Variants in IFT172 observed in about 807,000 individuals in gnomAD.
IFT172 encodes the protein intraflagellar transport 172.
Under a neutral mutation model 248.9 loss-of-function variants are expected in IFT172, and 164 were observed. The ratio of observed to expected loss-of-function variants is 0.66; its 90% confidence interval spans 0.58 to 0.75. The LOEUF is 0.75. IFT172 is among the 30% of genes least tolerant of loss of function. The pLI is 0.00. For synonymous variants in IFT172, 729 were observed against 791.6 expected (o/e 0.92, Z 1.33); for missense variants, 1,950 against 2,192.4 (o/e 0.89, Z 2.21).
chr2:27,456,004 G>C (rs546203545), intron 30 of IFT172: 1 of 237,626 alleles, frequency 4.2e-6, no homozygotes, highest in Admixed American at 5.4e-5. Flanking sequence ...ACGAGGTCAA[G>C]AGATCAAGAC....
Position 27,471,096 on chromosome 2 carries a change from C to A in IFT172, c.1525-1G>T, listed in dbSNP as rs370540673. On this transcript the variant is annotated splice_acceptor_variant, in intron 15 of 47. Coordinates refer to ENST00000260570, the MANE Select transcript of IFT172 (RefSeq NM_015662.3). LOFTEE classifies it high-confidence loss of function. ...AGCTTTCAATATCATACAGATGCAACTGAAGAAAGAAAAGGCAGGTAACAC... is the reference window on the plus strand; with the variant it reads ...AGCTTTCAATATCATACAGATGCAAATGAAGAAAGAAAAGGCAGGTAACAC... The A allele has an allele frequency of 1.2e-6, 2 of 1,604,166 alleles. No homozygotes were observed. Among genetic ancestry groups the A allele is most frequent in the African/African-American group, 1.3e-5 (1 of 74,452 alleles).
chr2:27,449,878 C>T (rs1020082517), intron 36 of IFT172, 78 bp from the exon 37 acceptor site: 1 of 1,431,366 alleles, frequency 7.0e-7, no homozygotes, highest in Non-Finnish European at 9.7e-7. Context: ...ATCTGTTTCC[C>T]CAGGACTGCA....
At chr2:27,450,309 T>C (rs1470918583) in intron 35 of IFT172, among the ~76,000 whole-genome samples, 1 of 152,206 alleles carries the variant, frequency 6.6e-6, no homozygotes, top group Non-Finnish European at 1.5e-5. Flanking sequence ...CTCAGTTCAT[T>C]AACTCTTTCA....
chr2:27,480,218 C>T lies in IFT172; in HGVS notation c.786-69G>A. The stretch of plus-strand genomic sequence containing the variant: ...TAAAGAGTGCAAATGGGCTGATAAC[C>T]AAAGGAAATTAGTCTTGCTATATCA... On this transcript the variant is annotated intron_variant, in intron 8 of 47. Coordinates refer to ENST00000260570, the MANE Select transcript of IFT172 (RefSeq NM_015662.3). 4 of 1,517,408 alleles carry T rather than the reference C, an allele frequency of 2.6e-6. No individual in the cohort carries two copies. In the South Asian group the frequency reaches 3.9e-5, roughly 15 times the overall value. The allele number at this position is 1,517,408 out of a possible 1,614,324, so 94.0% of individuals were successfully genotyped here.
In IFT172 at chr2:27,447,543, C is replaced by T. The variant is rs751097060; in HGVS notation, c.4631G>A (p.Arg1544His). 15 of 1,613,974 alleles carry T rather than the reference C, an allele frequency of 9.3e-6. No homozygotes were observed. The highest frequency in any genetic ancestry group is 2.2e-5 in the East Asian group (1 of 44,890). The change falls in exon 42 of 48, where the codon CGC becomes CAC. Residue 1544 changes from arginine to histidine, a missense_variant. By Grantham distance (29) the Arg-to-His change is conservative. This residue lies in a region of IFT172 where 620 missense variants were observed against 699.0 expected (regional missense o/e 0.89). Transcript: ENST00000260570. ...CTGTTTGACACTCTGGGCTGCAGAG[C>T]GCGTGGCATAGTAATGAGCGATCAG... is the stretch of plus-strand genomic sequence containing the variant. ...MLLIAHYYATRSAAQSVKQLE... is the reference protein window; with the variant it reads ...MLLIAHYYATHSAAQSVKQLE...
chr2:27,476,547 A>G, intron 14 of IFT172, 94 bp downstream of exon 14: 1 of 760,084 alleles, frequency 1.3e-6, no homozygotes, highest in African/African-American at 1.8e-5. Flanking sequence ...TGCGTCTCAG[A>G]TTCCTGCATT....
rs537691457 is a variant in IFT172 at position 27,463,508 on chromosome 2, A to AT, written c.1938-328dup. Among the ~76,000 whole-genome samples the AT allele has an allele frequency of 2.0e-4, 30 of 147,288 alleles. No individual in the cohort carries two copies. In the South Asian group the frequency reaches 4.4e-3, roughly 21 times the overall value. On this transcript the variant is annotated intron_variant, in intron 18 of 47. Coordinates refer to ENST00000260570, the MANE Select transcript of IFT172 (RefSeq NM_015662.3). ...ATAAACTTTCTTAAAACATTATGAG[A>AT]TTTTTTTGTGATTCTTTTCTCTTTT...
rs1370329911 is a variant in IFT172 at position 27,483,898 on chromosome 2, T to C, written c.376A>G (p.Ile126Val). Residue 126 changes from isoleucine to valine, a missense_variant, in exon 5 of 48, where the codon ATT (isoleucine) becomes GTT (valine). Physicochemically the swap from Ile to Val is conservative, Grantham distance 29. Coordinates refer to ENST00000260570, the MANE Select transcript of IFT172 (RefSeq NM_015662.3). The part of the protein sequence containing the change: ...TCLQWPAEYI[I>V]VFGLAEGKVR... ...TTCCCTTCAGCCAGTCCAAAGACAA[T>C]GATGTATTCTGCCGGCCATTGCAGA... 25 of 1,613,740 alleles carry C rather than the reference T, an allele frequency of 1.5e-5. No homozygotes were observed. The highest frequency in any genetic ancestry group is 2.0e-5 in the Non-Finnish European group (24 of 1,179,816).
At chr2:27,446,836 A>C (rs1665162279) in intron 42 of IFT172, among the ~76,000 whole-genome samples, 1 of 151,310 alleles carries the variant, frequency 6.6e-6, no homozygotes, top group Non-Finnish European at 1.5e-5. Context: ...AGTAGCTGGG[A>C]CTACAGGCGC....
At chr2:27,470,465 A>T (rs1167293417) in intron 16 of IFT172, among the ~76,000 whole-genome samples, 1 of 152,246 alleles carries the variant, frequency 6.6e-6, no homozygotes, top group Non-Finnish European at 1.5e-5. Flanking sequence ...CTCCTAGCCT[A>T]GCACAGGAGC....
In IFT172 at chr2:27,480,133, A is replaced by C. The variant is rs931651427; in HGVS notation, c.802T>G (p.Trp268Gly). Residue 268 changes from tryptophan to glycine, a missense_variant, in exon 9 of 48, where the codon TGG (tryptophan) becomes GGG (glycine). Trp to Gly is a radical substitution (Grantham distance 184). Around this residue, in one of 3 missense-constraint regions of IFT172, gnomAD observed 1,166 missense variants for 1,254.1 expected, o/e 0.93. Coordinates refer to ENST00000260570, the MANE Select transcript of IFT172 (RefSeq NM_015662.3). ...TCCCAGATGCTTCTTCGAGGGATCCAGTTGAACACCCGAAGCCTGAAATAA... is the reference window on the plus strand; with the variant it reads ...TCCCAGATGCTTCTTCGAGGGATCCCGTTGAACACCCGAAGCCTGAAATAA... Reference protein sequence around the residue: ...GSYDRLRVFNWIPRRSIWEEA... With the variant: ...GSYDRLRVFNGIPRRSIWEEA... 1.2e-6 allele frequency: 2 copies of C among 1,613,896 alleles called. No individual in the cohort carries two copies. The highest frequency in any genetic ancestry group is 2.7e-5 in the African/African-American group (2 of 74,936).
chr2:27,475,277 A>G (rs981636876), intron 14 of IFT172, among the ~76,000 whole-genome samples: 1 of 152,248 alleles, frequency 6.6e-6, no homozygotes, highest in Non-Finnish European at 1.5e-5. Flanking sequence ...CAATTTGGAA[A>G]TAGTGAAGTT....
intron 23 of IFT172, 32 bp downstream of exon 23, chr2:27,460,983 A>C (rs748594862): frequency 1.9e-6 from 3 of 1,613,848 alleles, no homozygotes; most frequent in Non-Finnish European, 2.5e-6. Context: ...AGAGTCCACA[A>C]CAGTAAAGGA....
rs569281478 is a variant in IFT172 at position 27,457,954 on chromosome 2, G to C, written c.2998C>G (p.Pro1000Ala). Residue 1000 changes from proline to alanine, a missense_variant, in exon 28 of 48, where the codon CCT becomes GCT. By Grantham distance (27) the Pro-to-Ala change is conservative. This residue lies in a region of IFT172 where 1,166 missense variants were observed against 1,254.1 expected (regional missense o/e 0.93). Coordinates refer to ENST00000260570, the MANE Select transcript of IFT172 (RefSeq NM_015662.3). ...TTGTACATGGTGATGGCAAGATCAG[G>C]CTCTTGTACTGTCACATATAGCCTG... ...AERLYVTVQE[P>A]DLAITMYKKH... 8.1e-6 allele frequency: 13 copies of C among 1,614,180 alleles called. No homozygotes were observed. The African/African-American group carries it at 1.6e-4, about 20-fold the overall frequency.
chr2:27,454,936 C>T lies in IFT172; in HGVS notation c.3372-276G>A, dbSNP rs147283021. 2.4e-4 allele frequency among the ~76,000 whole-genome samples: 36 copies of T among 152,184 alleles called. No individual in the cohort carries two copies. The highest frequency in any genetic ancestry group is 7.9e-4 in the African/African-American group (33 of 41,528). On this transcript the variant is annotated intron_variant, in intron 30 of 47. Transcript: ENST00000260570. This position sits in a 1 kb window ranked among gnomAD's most constrained non-coding sequence, Gnocchi z 4.2. ...CTCCTGAGGAATTAGTTTGGGCCTG[C>T]GAAGGGGAAGGGAGGAGTGAGCCTC...
chr2:27,450,672 C>A (rs961734430), intron 35 of IFT172, among the ~76,000 whole-genome samples: 22 of 152,152 alleles, frequency 1.4e-4, no homozygotes, highest in African/African-American at 4.6e-4. Context: ...CTCACTGCAA[C>A]CTCTCCCTCC....
In IFT172 at chr2:27,449,808, G is replaced by A. The variant is rs1183759904; in HGVS notation, c.4051-8C>T. Reference sequence around the variant, plus strand: ...CAGATAGAGCTCTGCAGCCTGCACAGTGGGAAATCAGCGTGGAGACTTTCT... The same window carrying A: ...CAGATAGAGCTCTGCAGCCTGCACAATGGGAAATCAGCGTGGAGACTTTCT... On this transcript the variant is annotated splice_region_variant and splice_polypyrimidine_tract_variant and intron_variant, in intron 36 of 47. Transcript: ENST00000260570. The A allele has an allele frequency of 2.5e-6, 4 of 1,596,806 alleles. No homozygotes were observed. Among genetic ancestry groups the A allele is most frequent in the East Asian group, 2.2e-5 (1 of 44,766 alleles).
chr2:27,467,647 C>T (rs1224623458), intron 16 of IFT172, among the ~76,000 whole-genome samples: 2 of 145,906 alleles, frequency 1.4e-5, no homozygotes, highest in South Asian at 2.1e-4. Context: ...GGAAATTATC[C>T]AGAATGAAGC....
At chr2:27,469,980 G>A (rs1411939894) in intron 16 of IFT172, among the ~76,000 whole-genome samples, 1 of 151,970 alleles carries the variant, frequency 6.6e-6, no homozygotes, top group African/African-American at 2.4e-5. Flanking sequence ...TTTAGACTTT[G>A]TTCATTTAAC....
Sources: allele counts gnomAD v4.1 joint callset (sites outside exome capture counted in the v4.1 genomes callset), GRCh38; gene constraint gnomAD v4.1.1; regional missense constraint gnomAD v4.1.1; non-coding constraint Gnocchi (gnomAD v3.1); transcripts MANE v1.5; gene names NCBI Gene and HGNC (gene_info 2026-07-23, HGNC 2026-07-21).